Variants in LINGO1 observed in about 807,000 individuals in gnomAD.
The protein encoded by LINGO1 is leucine rich repeat and Ig domain containing 1.
A neutral mutation model predicts 37.3 loss-of-function variants in LINGO1; 11 were observed. That is an observed-to-expected ratio of 0.29 (90% confidence interval 0.19 to 0.49). The LOEUF (loss-of-function observed/expected upper bound fraction) is 0.49, where lower values mean the gene tolerates loss of function less well. Among genes scored for constraint, LINGO1 ranks in the 20% least tolerant of loss-of-function variants. LINGO1 has a pLI of 0.99. For synonymous variants in LINGO1, 387 were observed against 403.0 expected (o/e 0.96, Z 0.48); for missense variants, 585 against 878.2 (o/e 0.67, Z 4.22).
Position 77,613,996 on chromosome 15 carries a change from C to T in LINGO1, c.*48G>A. The T allele has an allele frequency of 6.8e-7, 1 of 1,471,604 alleles. No individual in the cohort carries two copies. Among genetic ancestry groups the T allele is most frequent in the Non-Finnish European group, 9.2e-7 (1 of 1,089,494 alleles). 91.2% of individuals were successfully genotyped at this position (1,471,604 alleles called of 1,614,324 possible). The stretch of plus-strand genomic sequence containing the variant: ...GAGAGTGAGCAGGTGGCGGCCAGGC[C>T]CCTTCCCCTGCCCGGCCGCCCGGGG... On this transcript the variant is annotated 3_prime_UTR_variant, in exon 2 of 2. Coordinates refer to ENST00000355300, the MANE Select transcript of LINGO1 (RefSeq NM_032808.7).
At chr15:77,618,086 C>T (rs1434701589) in intron 1 of LINGO1, among the ~76,000 whole-genome samples, 3 of 152,244 alleles carry the variant, frequency 2.0e-5, no homozygotes, top group Non-Finnish European at 4.4e-5. Context: ...GGGCCGGCAG[C>T]TGGGGCTGGC....
chr15:77,673,153 T>C (rs572416393), intron 3 of LINGO1, among the ~76,000 whole-genome samples: 34 of 152,262 alleles, frequency 2.2e-4, no homozygotes, highest in Non-Finnish European at 4.1e-4. Context: ...TTTGTGAATA[T>C]CATAAACAAC....
intron 1 of LINGO1, among the ~76,000 whole-genome samples, chr15:77,624,080 T>C (rs1015351235): frequency 6.7e-6 from 1 of 150,184 alleles, no homozygotes; most frequent in Non-Finnish European, 1.5e-5. Flanking sequence ...GTGGCCTCTG[T>C]GTGTGTCTGT....
intron 2 of LINGO1, among the ~76,000 whole-genome samples, chr15:77,794,587 TA>T (rs1191122155): frequency 0.099 from 2,508 of 25,302 alleles, 171 homozygotes; most frequent in African/African-American, 0.17. Flanking sequence ...TATATATATA[TA>T]TATTTTTTTT....
upstream of LINGO1, among the ~76,000 whole-genome samples, chr15:77,700,393 C>G (rs1240477147): frequency 6.6e-6 from 1 of 152,196 alleles, no homozygotes; most frequent in East Asian, 1.9e-4. Flanking sequence ...TCACCTAGCC[C>G]CTCTGTGAAA....
Position 77,614,598 on chromosome 15 carries a change from C to G in LINGO1, c.1309G>C (p.Asp437His). The G allele has an allele frequency of 6.2e-7, 1 of 1,611,228 alleles. No individual in the cohort carries two copies. Among genetic ancestry groups the G allele is most frequent in the Non-Finnish European group, 8.5e-7 (1 of 1,179,024 alleles). ...ACAAACTGCACCGTGTGGCCCTCGTCCACAAACACCTGCTGGGCCTTGCGG... is the reference window on the plus strand; with the variant it reads ...ACAAACTGCACCGTGTGGCCCTCGTGCACAAACACCTGCTGGGCCTTGCGG... ...RDRKAQQVFV[D>H]EGHTVQFVCR... The change falls in exon 2 of 2, where the codon GAC becomes CAC. Residue 437 changes from aspartate (D) to histidine (H), a missense_variant. Asp to His is a moderately conservative substitution (Grantham distance 81). This residue lies in a region of LINGO1 where 484 missense variants were observed against 735.0 expected (regional missense o/e 0.66). Coordinates refer to ENST00000355300, the MANE Select transcript of LINGO1 (RefSeq NM_032808.7).
intron 3 of LINGO1, chr15:77,647,991 TTC>T: frequency 2.2e-6 from 1 of 452,408 alleles, no homozygotes; most frequent in Admixed American, 2.4e-5. Flanking sequence ...GCCTCCTTCT[TTC>T]CTCCCTCTCT....
chr15:77,688,781 AAAG>A (rs1297873930), intron 2 of LINGO1, among the ~76,000 whole-genome samples: 1 of 152,270 alleles, frequency 6.6e-6, no homozygotes, highest in Non-Finnish European at 1.5e-5. Context: ...GAAAAATGAG[AAAG>A]AAGAAGCCAC....
At chr15:77,812,015 G>C (rs2077009916) in intron 1 of LINGO1, among the ~76,000 whole-genome samples, 1 of 151,548 alleles carries the variant, frequency 6.6e-6, no homozygotes, top group African/African-American at 2.4e-5. Flanking sequence ...GGTGCTCCTG[G>C]TATGCCTGAA....
chr15:77,659,654 G>A (rs778313744), intron 3 of LINGO1, among the ~76,000 whole-genome samples: 3 of 152,190 alleles, frequency 2.0e-5, no homozygotes, highest in Non-Finnish European at 4.4e-5. Flanking sequence ...GGTAGTGGAT[G>A]GGGAGAAGCA....
At chr15:77,671,395 G>A (rs1474848713) in intron 3 of LINGO1, among the ~76,000 whole-genome samples, 1 of 152,186 alleles carries the variant, frequency 6.6e-6, no homozygotes, top group Non-Finnish European at 1.5e-5. Context: ...GAGATGGAGA[G>A]GAAGCACGGG....
chr15:77,640,229 A>G (rs1156269853), intron 3 of LINGO1, among the ~76,000 whole-genome samples: 1 of 152,240 alleles, frequency 6.6e-6, no homozygotes, highest in African/African-American at 2.4e-5. Context: ...CAAAGTCTTG[A>G]TTAATCAACC....
intron 1 of LINGO1, among the ~76,000 whole-genome samples, chr15:77,808,459 G>A (rs990601270): frequency 2.0e-5 from 3 of 152,142 alleles, no homozygotes; most frequent in African/African-American, 4.8e-5. Context: ...CCCTAGACCC[G>A]AATGCTGGCC....
chr15:77,619,687 T>G (rs531092953), intron 1 of LINGO1, among the ~76,000 whole-genome samples: 36 of 148,314 alleles, frequency 2.4e-4, no homozygotes, highest in Non-Finnish European at 4.9e-4. Context: ...ACTCTCCATC[T>G]GTAAAAACAA....
chr15:77,619,206 CAG>C (rs1293535118), intron 1 of LINGO1, among the ~76,000 whole-genome samples: 1 of 152,124 alleles, frequency 6.6e-6, no homozygotes, highest in African/African-American at 2.4e-5. Flanking sequence ...TACCCAGGGG[CAG>C]AGAGTATGTC....
In LINGO1 at chr15:77,615,779, G is replaced by A. The variant is rs1242214390; in HGVS notation, c.128C>T (p.Pro43Leu). Reference protein sequence around the residue: ...SVLSGSATGCPPRCECSAQDR... With the variant: ...SVLSGSATGCLPRCECSAQDR... ...CTGGGCGGAGCACTCGCAGCGGGGC[G>A]GGCAGCCCGTGGCCGAGCCTGACAG... is the stretch of plus-strand genomic sequence containing the variant. The change falls in exon 2 of 2, where the codon CCG (proline) becomes CTG (leucine). Residue 43 changes from proline (P) to leucine (L), a missense_variant. Coordinates refer to ENST00000355300, the MANE Select transcript of LINGO1 (RefSeq NM_032808.7). The A allele has an allele frequency of 1.3e-6, 2 of 1,572,254 alleles. No individual in the cohort carries two copies. The highest frequency in any genetic ancestry group is 1.3e-5 in the African/African-American group (1 of 74,180).
At chr15:77,692,970 G>A (rs983813230) in intron 1 of LINGO1, among the ~76,000 whole-genome samples, 1 of 152,224 alleles carries the variant, frequency 6.6e-6, no homozygotes, top group Non-Finnish European at 1.5e-5. Context: ...GAGTGTGCAT[G>A]AACATGGCCC....
chr15:77,655,229 G>A (rs1275914738), intron 3 of LINGO1, among the ~76,000 whole-genome samples: 1 of 152,202 alleles, frequency 6.6e-6, no homozygotes, highest in Non-Finnish European at 1.5e-5. Flanking sequence ...GACACAGCAG[G>A]TGAAGTTCCA....
At chr15:77,725,423 T>A (rs1386259397) in intron 2 of LINGO1, among the ~76,000 whole-genome samples, 2 of 152,124 alleles carry the variant, frequency 1.3e-5, no homozygotes, top group Non-Finnish European at 2.9e-5. Context: ...CTAGGCACAG[T>A]GGCGTTGCAC....
Sources: allele counts gnomAD v4.1 joint callset (sites outside exome capture counted in the v4.1 genomes callset), GRCh38; gene constraint gnomAD v4.1.1; regional missense constraint gnomAD v4.1.1; transcripts MANE v1.5; gene names NCBI Gene and HGNC (gene_info 2026-07-23, HGNC 2026-07-21).